PTPRN2: variants seen among roughly 807,000 people sequenced by gnomAD.
The protein encoded by PTPRN2 is protein tyrosine phosphatase receptor type N2, also known as receptor-type tyrosine-protein phosphatase N2.
A neutral mutation model predicts 118.8 loss-of-function variants in PTPRN2; 74 were observed. That is an observed-to-expected ratio of 0.62 (90% confidence interval 0.52 to 0.76). PTPRN2 has a LOEUF of 0.76. PTPRN2 is among the 30% of genes least tolerant of loss of function. PTPRN2 has a pLI of 0.00. For synonymous variants in PTPRN2, 641 were observed against 608.0 expected (o/e 1.05, Z -0.80); for missense variants, 1,481 against 1,394.4 (o/e 1.06, Z -0.99).
intron 3 of PTPRN2, among the ~76,000 whole-genome samples, chr7:158,248,704 G>A (rs71545576): frequency 0.1 from 13,434 of 130,976 alleles, 626 homozygotes; most frequent in East Asian, 0.2. Flanking sequence ...GTGCACACAC[G>A]CCACACACAT....
chr7:157,800,107 ACAG>A (rs1805160580), intron 12 of PTPRN2, among the ~76,000 whole-genome samples: 2 of 140,866 alleles, frequency 1.4e-5, no homozygotes, highest in Non-Finnish European at 3.0e-5. Context: ...CTGAGGCACC[ACAG>A]GCGGCCTCCT....
chr7:157,820,238 C>T (rs1806734365), intron 12 of PTPRN2, among the ~76,000 whole-genome samples: 1 of 150,848 alleles, frequency 6.6e-6, no homozygotes, highest in Non-Finnish European at 1.5e-5. Context: ...AACACATTCA[C>T]ACATGCAATC....
At chr7:158,266,758 C>G (rs1797914139) in intron 3 of PTPRN2, among the ~76,000 whole-genome samples, 1 of 152,228 alleles carries the variant, frequency 6.6e-6, no homozygotes, top group Admixed American at 6.5e-5. Flanking sequence ...AGATTGAATT[C>G]AGTCTGATAA....
chr7:157,927,598 A>G (rs138853305), intron 11 of PTPRN2, among the ~76,000 whole-genome samples: 10,744 of 96,756 alleles, frequency 0.11, 6 homozygotes, highest in Middle Eastern at 0.19. Context: ...GAGAGCAGAG[A>G]CCTCATGTCT....
chr7:157,976,053 A>G (rs1802719190), intron 11 of PTPRN2, among the ~76,000 whole-genome samples: 1 of 152,212 alleles, frequency 6.6e-6, no homozygotes, highest in African/African-American at 2.4e-5. Flanking sequence ...CCCTCACCTG[A>G]GTGCTCACCA....
intron 12 of PTPRN2, among the ~76,000 whole-genome samples, chr7:157,872,197 CCATACCCAGTGTCCTCCGCATACACA>C (rs1811112582): frequency 7.8e-6 from 1 of 128,930 alleles, no homozygotes; most frequent in African/African-American, 3.0e-5. Flanking sequence ...CCCCACACAC[CCATACCCAGTGTCCTCCGCATACACA>C]CATACCCAGT....
rs1395783733 is a variant in PTPRN2, at chr7:157,729,117, A to G, written c.1789-46180T>C. Among the ~76,000 whole-genome samples, 1 of 152,118 alleles carries G rather than the reference A, an allele frequency of 6.6e-6. No individual in the cohort carries two copies. The highest frequency in any genetic ancestry group is 1.5e-5 in the Non-Finnish European group (1 of 68,010). ...GAAAACAGAAAAGATGCAGAAGTTG[A>G]TAATTGCTTTGATATACCCATCTCT... On this transcript the variant is annotated intron_variant, in intron 12 of 22. Transcript: ENST00000389418. The surrounding 1 kb of genome is among the most constrained non-coding windows in gnomAD (Gnocchi z 4.3).
rs61405192 is a variant in PTPRN2, at chr7:158,414,088, A to AAAAC, written c.163+75646_163+75647insGTTT. ...ATCTCAAAAAAAAAAAAAAAAAAAA[A>AAAAC]AAGGAAGCAAGGGGATTCCTAGTGT... On this transcript the variant is annotated intron_variant, in intron 2 of 22. Coordinates refer to ENST00000389418, the MANE Select transcript of PTPRN2 (RefSeq NM_002847.5). 3.8e-3 allele frequency among the ~76,000 whole-genome samples: 578 copies of AAAAC among 151,452 alleles called. 9 individuals are homozygous for AAAAC. Among genetic ancestry groups the AAAAC allele is most frequent in the African/African-American group, 0.013 (523 of 41,196 alleles).
At chr7:158,579,028 G>T (rs1828494868) in intron 1 of PTPRN2, among the ~76,000 whole-genome samples, 1 of 152,164 alleles carries the variant, frequency 6.6e-6, no homozygotes, top group African/African-American at 2.4e-5. Context: ...CTCCCGAAGT[G>T]CTGGGATTAC....
rs1391888227 is a variant in PTPRN2 at position 157,986,895 on chromosome 7, G to A, written c.1724-88158C>T. The stretch of plus-strand genomic sequence containing the variant: ...CAGGACCCTCCAGAGTGAATCTGGA[G>A]CGAGGGGGCCCAGTGACTTTGGGGT... On this transcript the variant is annotated intron_variant, in intron 11 of 22. Coordinates refer to ENST00000389418, the MANE Select transcript of PTPRN2 (RefSeq NM_002847.5). This position sits in a 1 kb window ranked among gnomAD's most constrained non-coding sequence, Gnocchi z 4.5. 6.6e-6 allele frequency among the ~76,000 whole-genome samples: 1 copy of A among 152,172 alleles called. No individual in the cohort carries two copies. The highest frequency in any genetic ancestry group is 1.5e-5 in the Non-Finnish European group (1 of 68,042).
chr7:157,846,843 C>T (rs1201895964), intron 12 of PTPRN2, among the ~76,000 whole-genome samples: 5 of 135,064 alleles, frequency 3.7e-5, no homozygotes, highest in African/African-American at 1.4e-4. Flanking sequence ...TGCCCGATGT[C>T]GACAGAGCCC....
intron 3 of PTPRN2, among the ~76,000 whole-genome samples, chr7:158,260,986 C>G (rs967007990): frequency 6.6e-6 from 1 of 152,256 alleles, no homozygotes; most frequent in South Asian, 2.1e-4. Context: ...CAGCTCAGCC[C>G]TCAGAGCCAC....
intron 11 of PTPRN2, among the ~76,000 whole-genome samples, chr7:158,058,810 G>GCAGCCACACTCCATCTGCACACAGTGACA (rs1810040002): frequency 2.1e-5 from 1 of 48,066 alleles, no homozygotes; most frequent in Non-Finnish European, 3.8e-5. Flanking sequence ...ACACAGTGAC[G>GCAGCCACACTCCATCTGCACACAGTGACA]CATCACTGCA....
chr7:158,404,570 T>C (rs1048137149), intron 2 of PTPRN2, among the ~76,000 whole-genome samples: 2 of 152,056 alleles, frequency 1.3e-5, no homozygotes, highest in Non-Finnish European at 2.9e-5. Flanking sequence ...TGTTTGGTTA[T>C]ATCCACCCCA....
At chr7:158,560,034 C>T (rs1023243243) in intron 1 of PTPRN2, among the ~76,000 whole-genome samples, 3 of 152,248 alleles carry the variant, frequency 2.0e-5, no homozygotes, top group African/African-American at 7.2e-5. Context: ...CTCCGTTCCA[C>T]TTTCTGTTCC....
At chr7:158,260,482 C>T (rs531520961) in intron 3 of PTPRN2, among the ~76,000 whole-genome samples, 71 of 152,158 alleles carry the variant, frequency 4.7e-4, no homozygotes, top group Non-Finnish European at 7.6e-4. Context: ...CAACCGGATA[C>T]GACTTCTTCA....
chr7:158,538,485 G>A (rs925740857), intron 1 of PTPRN2, among the ~76,000 whole-genome samples: 7 of 152,292 alleles, frequency 4.6e-5, no homozygotes, highest in African/African-American at 1.2e-4. Flanking sequence ...AGGAAAAAGC[G>A]CAGCCTCCGT....
At chr7:157,879,182 AC>A (rs1253720146) in intron 12 of PTPRN2, among the ~76,000 whole-genome samples, 1 of 140,064 alleles carries the variant, frequency 7.1e-6, no homozygotes, top group African/African-American at 2.8e-5. Context: ...ACCCACACTT[AC>A]TCACCGAGGA....
rs887714403 is a variant in PTPRN2 at position 158,304,477 on chromosome 7, G to T, written c.277+12342C>A. On this transcript the variant is annotated intron_variant, in intron 3 of 22. Transcript: ENST00000389418. ...CGTCAATACACTAAGATGTACACAG[G>T]CTTGGATTTCTACATTCTAGGGAGG... is the stretch of plus-strand genomic sequence containing the variant. 5.4e-5 allele frequency among the ~76,000 whole-genome samples: 8 copies of T among 148,576 alleles called. No individual in the cohort carries two copies. The Admixed American group carries it at 5.5e-4, about 10-fold the overall frequency.
Sources: allele counts gnomAD v4.1 joint callset (sites outside exome capture counted in the v4.1 genomes callset), GRCh38; gene constraint gnomAD v4.1.1; non-coding constraint Gnocchi (gnomAD v3.1); transcripts MANE v1.5; gene names NCBI Gene and HGNC (gene_info 2026-07-23, HGNC 2026-07-21).